Variants in RBFOX1 observed in about 807,000 individuals in gnomAD.
The protein encoded by RBFOX1 is RNA binding protein fox-1 homolog 1.
RBFOX1 carries 8 observed loss-of-function variants against 57.7 expected under a neutral mutation model. The ratio of observed to expected loss-of-function variants is 0.14; its 90% CI spans 0.08 to 0.25. The LOEUF is 0.25. RBFOX1 is among the 10% of genes least tolerant of loss of function. RBFOX1 has a pLI of 1.00. For synonymous variants in RBFOX1, 326 were observed against 222.4 expected (o/e 1.47, Z -4.15); for missense variants, 611 against 548.5 (o/e 1.11, Z -1.14).
At chr16:7,010,134 C>G (rs565582729) in intron 3 of RBFOX1, among the ~76,000 whole-genome samples, 2 of 152,198 alleles carry the variant, frequency 1.3e-5, no homozygotes, top group African/African-American at 2.4e-5. Context: ...CTGCAAAGCA[C>G]GTGATCATTC....
chr16:6,339,375 C>T (rs1040632096), intron 2 of RBFOX1, among the ~76,000 whole-genome samples: 5 of 152,192 alleles, frequency 3.3e-5, no homozygotes, highest in African/African-American at 7.2e-5. Context: ...CACTGGGTTA[C>T]AGCAGAGAAA....
chr16:6,527,210 G>C (rs919101900), intron 2 of RBFOX1, among the ~76,000 whole-genome samples: 1 of 152,118 alleles, frequency 6.6e-6, no homozygotes, highest in African/African-American at 2.4e-5. Flanking sequence ...TATGATCTCT[G>C]ACTCCACATT....
At chr16:6,030,807 A>G (rs931072830) in intron 1 of RBFOX1, among the ~76,000 whole-genome samples, 2 of 152,144 alleles carry the variant, frequency 1.3e-5, no homozygotes, top group African/African-American at 4.8e-5. Context: ...CTGGAGCACT[A>G]TTTATGCTAT....
intron 3 of RBFOX1, among the ~76,000 whole-genome samples, chr16:6,703,045 C>T (rs370748647): frequency 1.3e-5 from 2 of 152,210 alleles, no homozygotes; most frequent in Admixed American, 6.5e-5. Context: ...TCTGGCCTAT[C>T]TCACTTGCCT....
chr16:7,291,941 T>A (rs970100479), intron 4 of RBFOX1, among the ~76,000 whole-genome samples: 5 of 137,184 alleles, frequency 3.6e-5, no homozygotes, highest in Admixed American at 1.6e-4. Flanking sequence ...TTATATATTA[T>A]ATATTATGTA....
Position 5,793,429 on chromosome 16 carries a change from C to T in RBFOX1, c.319-73874C>T, listed in dbSNP as rs576035990. Among the ~76,000 whole-genome samples, 13 of 152,356 alleles carry T rather than the reference C, an allele frequency of 8.5e-5. No individual in the cohort carries two copies. The East Asian group carries it at 1.5e-3, about 18-fold the overall frequency. The stretch of plus-strand genomic sequence containing the variant: ...ATTTACCCTGATTTTCAATTCAGCC[C>T]GTTGGCATGGGTGCTGGGGGACCGG... On this transcript the variant is annotated intron_variant, in intron 3 of 19. Transcript: ENST00000641259.
chr16:5,465,283 C>T (rs2068918447), intron 1 of RBFOX1, among the ~76,000 whole-genome samples: 1 of 152,174 alleles, frequency 6.6e-6, no homozygotes, highest in African/African-American at 2.4e-5. Flanking sequence ...GCATCCCTGA[C>T]ACCTCTTTGT....
At chr16:7,053,707 T>G (rs1417424265) in intron 4 of RBFOX1, among the ~76,000 whole-genome samples, 1 of 152,200 alleles carries the variant, frequency 6.6e-6, no homozygotes, top group Non-Finnish European at 1.5e-5. Flanking sequence ...GGTTCAAGAA[T>G]GGAGTCTTCC....
chr16:6,896,518 A>G (rs550203823), intron 3 of RBFOX1, among the ~76,000 whole-genome samples: 3 of 152,136 alleles, frequency 2.0e-5, no homozygotes, highest in South Asian at 4.1e-4. Context: ...AGAATATATG[A>G]TGTCTGTTTT....
At chr16:5,692,764 A>C (rs2050727683) in intron 3 of RBFOX1, among the ~76,000 whole-genome samples, 1 of 152,030 alleles carries the variant, frequency 6.6e-6, no homozygotes, top group African/African-American at 2.4e-5. Flanking sequence ...TCATCAGGAC[A>C]CAGCCCACCG....
intron 3 of RBFOX1, among the ~76,000 whole-genome samples, chr16:5,824,287 G>C (rs997789182): frequency 6.6e-6 from 1 of 152,238 alleles, no homozygotes; most frequent in East Asian, 1.9e-4. Flanking sequence ...TGACAGCTGA[G>C]TGGATGGTAG....
rs527801580 is a variant in RBFOX1 at position 7,362,209 on chromosome 16, GT to G, written c.28-155932del. Among the ~76,000 whole-genome samples the G allele has an allele frequency of 4.0e-5, 6 of 150,432 alleles. No homozygotes were observed. In the East Asian group the frequency reaches 9.9e-4, roughly 25 times the overall value. On this transcript the variant is annotated intron_variant, in intron 4 of 15. Coordinates refer to ENST00000550418, the MANE Select transcript of RBFOX1 (RefSeq NM_018723.4). ...TGTGTGTTTGTGTATGATTGTGTTTGTTTTTTATGTGTTTGTGTGTTTTGTG... is the reference window on the plus strand; with the variant it reads ...TGTGTGTTTGTGTATGATTGTGTTTGTTTTTATGTGTTTGTGTGTTTTGTG...
At chr16:5,941,961 G>A (rs1039747437) in intron 4 of RBFOX1, among the ~76,000 whole-genome samples, 2 of 151,022 alleles carry the variant, frequency 1.3e-5, no homozygotes, top group African/African-American at 4.9e-5. Context: ...CCATTGTTAT[G>A]GTATTTTTCT....
At chr16:5,525,491 ATTTTTTTTTTT>A (rs71404528) in intron 2 of RBFOX1, among the ~76,000 whole-genome samples, 5 of 78,270 alleles carry the variant, frequency 6.4e-5, no homozygotes, top group Admixed American at 5.6e-4. Flanking sequence ...AGCCGACACT[ATTTTTTTTTTT>A]TTTTTTTTTT....
chr16:7,153,177 C>A (rs1233725031), intron 4 of RBFOX1, among the ~76,000 whole-genome samples: 1 of 140,404 alleles, frequency 7.1e-6, no homozygotes, highest in East Asian at 2.1e-4. Flanking sequence ...CCGTCTGTGT[C>A]ACTGGTGGAC....
At chr16:6,673,282 A>G (rs1367972626) in intron 3 of RBFOX1, among the ~76,000 whole-genome samples, 3 of 152,230 alleles carry the variant, frequency 2.0e-5, no homozygotes, top group South Asian at 4.1e-4. Flanking sequence ...AGTTGCAAGT[A>G]CCAGTCATTC....
intron 2 of RBFOX1, among the ~76,000 whole-genome samples, chr16:6,510,701 G>A (rs542312681): frequency 6.6e-6 from 1 of 152,030 alleles, no homozygotes; most frequent in East Asian, 1.9e-4. Context: ...AAGTTTAAAG[G>A]TTGGAGAGGC....
intron 4 of RBFOX1, among the ~76,000 whole-genome samples, chr16:7,296,535 C>G (rs1161139998): frequency 1.3e-5 from 2 of 152,148 alleles, no homozygotes; most frequent in Non-Finnish European, 2.9e-5. Flanking sequence ...ATGAAAAAAA[C>G]TAAGGCTCGG....
intron 4 of RBFOX1, among the ~76,000 whole-genome samples, chr16:7,195,560 T>A (rs1167542290): frequency 6.6e-6 from 1 of 152,170 alleles, no homozygotes; most frequent in Non-Finnish European, 1.5e-5. Context: ...TTTATTTATT[T>A]GTTTGTTTAT....
Sources: allele counts gnomAD v4.1 joint callset (sites outside exome capture counted in the v4.1 genomes callset), GRCh38; gene constraint gnomAD v4.1.1; transcripts MANE v1.5; gene names NCBI Gene and HGNC (gene_info 2026-07-23, HGNC 2026-07-21).